The following SPOCK1 variants were observed in gnomAD, a reference collection of about 807,000 sequenced individuals.
SPOCK1 encodes the protein testican-1.
In SPOCK1, 23 loss-of-function variants were observed where a neutral mutation model predicts 55.3. The observed-to-expected ratio is 0.42, with a 90% CI of 0.30 to 0.59. SPOCK1 has a LOEUF of 0.59. SPOCK1 is among the 20% of genes least tolerant of loss of function. SPOCK1 has a pLI of 0.22. For missense variants in SPOCK1, 499 were observed against 552.5 expected, an observed-to-expected ratio of 0.90 and a Z score of 0.97; for synonymous variants, 226 against 221.0, an observed-to-expected ratio of 1.02 and a Z score of -0.20.
At chr5:136,991,512 C>T (rs1206511819) in intron 7 of SPOCK1, among the ~76,000 whole-genome samples, 1 of 152,144 alleles carries the variant, frequency 6.6e-6, no homozygotes, top group Non-Finnish European at 1.5e-5. Flanking sequence ...ACAGTTGCTA[C>T]TCTAACTAAC....
chr5:137,345,961 G>A (rs1311768195), intron 2 of SPOCK1, among the ~76,000 whole-genome samples: 2 of 152,216 alleles, frequency 1.3e-5, no homozygotes, highest in Non-Finnish European at 2.9e-5. Context: ...ACACCTGTGT[G>A]ACAGGGCTCA....
intron 5 of SPOCK1, among the ~76,000 whole-genome samples, chr5:137,095,872 T>G (rs555001791): frequency 6.6e-6 from 1 of 151,632 alleles, no homozygotes; most frequent in Non-Finnish European, 1.5e-5. Context: ...CTACAAAACA[T>G]GCAATCAAGA....
At chr5:137,130,393 TAAAG>T (rs1367373808) in intron 4 of SPOCK1, among the ~76,000 whole-genome samples, 1 of 152,200 alleles carries the variant, frequency 6.6e-6, no homozygotes, top group Admixed American at 6.5e-5. Flanking sequence ...ATTTGTTGAA[TAAAG>T]AAATTATCAC....
intron 3 of SPOCK1, among the ~76,000 whole-genome samples, chr5:137,153,204 T>G (rs1246745905): frequency 1.3e-5 from 2 of 152,220 alleles, no homozygotes; most frequent in African/African-American, 4.8e-5. Flanking sequence ...GACATGTGTC[T>G]GCTGTAAAGG....
chr5:137,498,324 C>G, intron 2 of SPOCK1, 49 bp downstream of exon 2: 1 of 1,514,144 alleles, frequency 6.6e-7, no homozygotes, highest in Non-Finnish European at 8.8e-7. Flanking sequence ...TCAGGGGTCC[C>G]CTCCGAGAGG....
At chr5:137,364,562 T>C (rs185248313) in intron 2 of SPOCK1, among the ~76,000 whole-genome samples, 1 of 152,330 alleles carries the variant, frequency 6.6e-6, no homozygotes, top group East Asian at 1.9e-4. Flanking sequence ...GGAGCACCTA[T>C]AGTTCTGCTT....
intron 5 of SPOCK1, among the ~76,000 whole-genome samples, chr5:137,091,840 A>G (rs535486171): frequency 1.1e-3 from 175 of 152,312 alleles, no homozygotes; most frequent in African/African-American, 4.0e-3. Flanking sequence ...CTCTTTGCAT[A>G]TGGGAGCTCA....
At chr5:137,409,313 G>T (rs185265697) in intron 2 of SPOCK1, among the ~76,000 whole-genome samples, 92 of 152,302 alleles carry the variant, frequency 6.0e-4, no homozygotes, top group African/African-American at 2.0e-3. Context: ...CCCTAGGCAG[G>T]CAGGCTGAAC....
chr5:137,315,200 C>A (rs1483004326), intron 2 of SPOCK1, among the ~76,000 whole-genome samples: 1 of 152,220 alleles, frequency 6.6e-6, no homozygotes, highest in African/African-American at 2.4e-5. Context: ...ACTAGGAAGC[C>A]TTCCAAGGTT....
At chr5:137,455,361 T>C (rs1753341896) in intron 2 of SPOCK1, among the ~76,000 whole-genome samples, 1 of 152,158 alleles carries the variant, frequency 6.6e-6, no homozygotes. Context: ...ACAGACGGTT[T>C]TGTTTCCAGG....
intron 2 of SPOCK1, among the ~76,000 whole-genome samples, chr5:137,312,522 AT>A (rs1269477305): frequency 6.6e-6 from 1 of 152,082 alleles, no homozygotes; most frequent in Non-Finnish European, 1.5e-5. Context: ...TTTTTTTTAA[AT>A]TTTTTGTTGT....
intron 2 of SPOCK1, among the ~76,000 whole-genome samples, chr5:137,420,770 G>T (rs987911552): frequency 1.3e-5 from 2 of 152,026 alleles, no homozygotes; most frequent in African/African-American, 4.8e-5. Flanking sequence ...TTGATTTTTT[G>T]AAGGGTTTTT....
intron 4 of SPOCK1, among the ~76,000 whole-genome samples, chr5:137,125,161 C>G (rs1302059062): frequency 3.9e-5 from 6 of 152,220 alleles, no homozygotes; most frequent in African/African-American, 1.4e-4. Context: ...CAGCTTGGCC[C>G]TGTACCCCCA....
chr5:137,226,888 G>T (rs1160163622), intron 3 of SPOCK1, among the ~76,000 whole-genome samples: 1 of 152,140 alleles, frequency 6.6e-6, no homozygotes, highest in Non-Finnish European at 1.5e-5. Context: ...GCTTTGTGAG[G>T]CCAAGATCCA....
At chr5:137,098,570 G>A (rs1753199501) in intron 5 of SPOCK1, among the ~76,000 whole-genome samples, 1 of 152,180 alleles carries the variant, frequency 6.6e-6, no homozygotes, top group South Asian at 2.1e-4. Flanking sequence ...ATTAGTGGAT[G>A]GAGCCTGAAC....
intron 3 of SPOCK1, among the ~76,000 whole-genome samples, chr5:137,159,223 A>G (rs1198103958): frequency 6.6e-6 from 1 of 152,188 alleles, no homozygotes; most frequent in African/African-American, 2.4e-5. Flanking sequence ...GAACATGAAC[A>G]TCAGAAGGAG....
rs1045382503 is a variant in SPOCK1 at position 136,977,534 on chromosome 5, C to T, written c.*1120G>A. On this transcript the variant is annotated 3_prime_UTR_variant, in exon 11 of 11. Coordinates refer to ENST00000394945, the MANE Select transcript of SPOCK1 (RefSeq NM_004598.4). ...TTAGAAATTTTCTTCTTTTAAGGAA[C>T]ACCATGGTACTCTCAGAGAACAGGA... is the stretch of plus-strand genomic sequence containing the variant. The T allele has an allele frequency of 2.9e-6, 1 of 348,154 alleles. No individual in the cohort carries two copies. Among genetic ancestry groups the T allele is most frequent in the Non-Finnish European group, 5.1e-6 (1 of 195,160 alleles). 21.6% of individuals were successfully genotyped at this position (348,154 alleles called of 1,614,324 possible). A position where few individuals can be genotyped will look rare whatever the true frequency, so the allele number is the denominator to read the frequency against.
At chr5:137,089,663 T>C (rs1243083968) in intron 5 of SPOCK1, among the ~76,000 whole-genome samples, 2 of 152,182 alleles carry the variant, frequency 1.3e-5, no homozygotes, top group East Asian at 1.9e-4. Context: ...TAAACTTTAA[T>C]GTCTCTACTA....
At chr5:137,225,304 G>A (rs1424077603) in intron 3 of SPOCK1, among the ~76,000 whole-genome samples, 1 of 151,980 alleles carries the variant, frequency 6.6e-6, no homozygotes, top group Admixed American at 6.6e-5. Context: ...ATTATAAAAT[G>A]GAGACAGTAA....
Sources: gnomAD v4.1 joint callset for allele counts (sites outside exome capture counted in the v4.1 genomes callset) on GRCh38, gnomAD v4.1.1 for gene constraint, MANE v1.5 for transcripts, NCBI Gene and HGNC (gene_info 2026-07-23, HGNC 2026-07-21) for gene names.